The following PLEKHA5 variants were observed in gnomAD, a reference collection of about 807,000 sequenced individuals.
PLEKHA5 encodes pleckstrin homology domain-containing family A member 5.
Under a neutral mutation model 181.9 loss-of-function variants are expected in PLEKHA5, and 55 were observed. The observed-to-expected ratio is 0.30, with a 90% CI of 0.24 to 0.38. PLEKHA5 has a LOEUF of 0.38. Among genes scored for constraint, PLEKHA5 ranks in the 10% least tolerant of loss-of-function variants. The pLI is 1.00. For synonymous variants in PLEKHA5, 535 were observed against 529.4 expected (o/e 1.01, Z -0.15); for missense variants, 1,432 against 1,549.5 (o/e 0.92, Z 1.27).
intron 25 of PLEKHA5, among the ~76,000 whole-genome samples, chr12:19,352,696 A>G (rs1247743342): frequency 1.4e-5 from 2 of 146,938 alleles, no homozygotes; most frequent in South Asian, 2.2e-4. Context: ...ATTATAGGCA[A>G]TGAGCCACAG....
chr12:19,233,175 A>G (rs2060894456), intron 3 of PLEKHA5, among the ~76,000 whole-genome samples: 1 of 152,164 alleles, frequency 6.6e-6, no homozygotes, highest in Admixed American at 6.5e-5. Flanking sequence ...TTTTTAAGTC[A>G]TGAACAAATG....
intron 1 of PLEKHA5, 73 bp from the exon 2 acceptor site, chr12:19,129,978 C>T: frequency 3.5e-6 from 5 of 1,447,852 alleles, no homozygotes; most frequent in Non-Finnish European, 4.7e-6. Flanking sequence ...CGGGTCTGTG[C>T]TCCTGCAGCC....
intron 3 of PLEKHA5, among the ~76,000 whole-genome samples, chr12:19,136,886 A>C (rs1275751059): frequency 6.6e-6 from 1 of 152,146 alleles, no homozygotes; most frequent in Admixed American, 6.6e-5. Context: ...GCTAATTCCA[A>C]ACTTACCAAA....
chr12:19,322,961 G>A (rs768202421), intron 20 of PLEKHA5, among the ~76,000 whole-genome samples: 2 of 150,562 alleles, frequency 1.3e-5, no homozygotes, highest in Admixed American at 6.6e-5. Context: ...TCAAGTGAGT[G>A]CTTCAGCCTC....
intron 20 of PLEKHA5, among the ~76,000 whole-genome samples, chr12:19,322,952 CAAGT>C (rs2091234250): frequency 6.6e-6 from 1 of 150,652 alleles, no homozygotes; most frequent in Non-Finnish European, 1.5e-5. Flanking sequence ...CTCTTGGACT[CAAGT>C]GAGTGCTTCA....
Position 19,363,332 on chromosome 12 carries a change from AT to A in PLEKHA5, c.3608+1637del, listed in dbSNP as rs1157254336. Among the ~76,000 whole-genome samples, 1,130 of 141,998 alleles carry A rather than the reference AT, an allele frequency of 8.0e-3. 13 individuals are homozygous for A. Among genetic ancestry groups the A allele is most frequent in the African/African-American group, 0.027 (1,032 of 38,748 alleles). The allele number at this position is 141,998 out of a possible 152,430, so 93.2% of individuals were successfully genotyped here. A position where few individuals can be genotyped will look rare whatever the true frequency, so the allele number is the denominator to read the frequency against. ...ACGCATGGCTAATTTTTATTTTTTT[AT>A]TTTTTTTTTTATTTTTAGTAGAGAC... On this transcript the variant is annotated intron_variant, in intron 29 of 31. Coordinates refer to ENST00000429027, the MANE Select transcript of PLEKHA5 (RefSeq NM_001256470.2).
chr12:19,194,470 A>G (rs2052131527), intron 3 of PLEKHA5, among the ~76,000 whole-genome samples: 1 of 152,060 alleles, frequency 6.6e-6, no homozygotes, highest in African/African-American at 2.4e-5. Context: ...CAGTAGTGGG[A>G]TTGCTAGATC....
At chr12:19,164,675 G>T (rs185162760) in intron 3 of PLEKHA5, among the ~76,000 whole-genome samples, 39 of 152,114 alleles carry the variant, frequency 2.6e-4, no homozygotes, top group Non-Finnish European at 3.8e-4. Context: ...CTTGTCCCTT[G>T]GCTCATCTTC....
chr12:19,149,365 G>A (rs1459253560), intron 3 of PLEKHA5: 2 of 152,002 alleles, frequency 1.3e-5, no homozygotes, highest in African/African-American at 4.8e-5. Flanking sequence ...TTAGCTGGAT[G>A]TGGTGGTGGG....
chr12:19,283,804 C>T, intron 12 of PLEKHA5, 59 bp downstream of exon 12: 1 of 1,038,622 alleles, frequency 9.6e-7, no homozygotes, highest in South Asian at 1.4e-5. Context: ...TGTTTTCTTT[C>T]TAGTATACTA....
At chr12:19,346,126 CGTT>C (rs1476140787) in intron 23 of PLEKHA5, among the ~76,000 whole-genome samples, 6 of 151,916 alleles carry the variant, frequency 3.9e-5, no homozygotes, top group Admixed American at 1.3e-4. Context: ...AGAATTTTAA[CGTT>C]GTCATACTTT....
At chr12:19,208,352 AACCGATATCATGCC>A (rs2056121432) in intron 3 of PLEKHA5, among the ~76,000 whole-genome samples, 1 of 152,012 alleles carries the variant, frequency 6.6e-6, no homozygotes, top group Non-Finnish European at 1.5e-5. Flanking sequence ...GGTTGCAGTG[AACCGATATCATGCC>A]ATTGCACCCC....
intron 11 of PLEKHA5, among the ~76,000 whole-genome samples, chr12:19,277,180 G>A (rs1205670205): frequency 6.6e-6 from 1 of 152,112 alleles, no homozygotes; most frequent in African/African-American, 2.4e-5. Flanking sequence ...AGGATGTTTG[G>A]AAGTACTTGG....
intron 20 of PLEKHA5, among the ~76,000 whole-genome samples, chr12:19,332,943 A>G (rs1006746403): frequency 1.3e-5 from 2 of 152,156 alleles, no homozygotes; most frequent in African/African-American, 2.4e-5. Context: ...GGCATGAGCC[A>G]CTGCACTCAG....
intron 3 of PLEKHA5, among the ~76,000 whole-genome samples, chr12:19,227,345 G>A (rs1299470041): frequency 6.6e-6 from 1 of 151,354 alleles, no homozygotes; most frequent in Admixed American, 6.6e-5. Context: ...CAGCCCCAGG[G>A]GCTAAATAAT....
chr12:19,278,866 G>T (rs1178717906), intron 11 of PLEKHA5, among the ~76,000 whole-genome samples: 1 of 152,164 alleles, frequency 6.6e-6, no homozygotes, highest in African/African-American at 2.4e-5. Context: ...TTCTTGTCTG[G>T]AGACATTTCG....
intron 3 of PLEKHA5, among the ~76,000 whole-genome samples, chr12:19,251,859 A>G (rs1001651635): frequency 2.0e-5 from 3 of 152,000 alleles, no homozygotes; most frequent in African/African-American, 7.2e-5. Context: ...AGAAAAGGCT[A>G]GAATCATTGT....
At chr12:19,197,922 A>G (rs1479880974) in intron 3 of PLEKHA5, among the ~76,000 whole-genome samples, 3 of 151,906 alleles carry the variant, frequency 2.0e-5, no homozygotes, top group Admixed American at 2.0e-4. Context: ...TTCAGTTAAC[A>G]TCACCCCACC....
chr12:19,265,874 A>G, intron 8 of PLEKHA5, 24 bp downstream of exon 8: 1 of 1,338,528 alleles, frequency 7.5e-7, no homozygotes, highest in Non-Finnish European at 1.1e-6. Flanking sequence ...GCAGTTTTTA[A>G]TTCTGTGTTC....
Sources: allele counts gnomAD v4.1 joint callset (sites outside exome capture counted in the v4.1 genomes callset), GRCh38; gene constraint gnomAD v4.1.1; transcripts MANE v1.5; gene names NCBI Gene and HGNC (gene_info 2026-07-23, HGNC 2026-07-21).